ERC2: variants seen among roughly 807,000 people sequenced by gnomAD.
The protein encoded by ERC2 is ERC protein 2.
Under a neutral mutation model 114.8 loss-of-function variants are expected in ERC2, and 42 were observed. That is an observed-to-expected ratio of 0.37 (90% confidence interval 0.29 to 0.47). The LOEUF (loss-of-function observed/expected upper bound fraction) is 0.47. Ranked by LOEUF, ERC2 falls within the 20% of genes least tolerant of loss-of-function variation. The pLI, the probability that ERC2 is intolerant of heterozygous loss-of-function variation, is 0.99. For synonymous variants in ERC2, 454 were observed against 425.5 expected (o/e 1.07, Z -0.82); for missense variants, 939 against 1,150.7 (o/e 0.82, Z 2.66).
chr3:55,766,049 G>A (rs2067760308), intron 14 of ERC2, among the ~76,000 whole-genome samples: 1 of 152,176 alleles, frequency 6.6e-6, no homozygotes, highest in Non-Finnish European at 1.5e-5. Context: ...GGGTATGCCT[G>A]GGCCAAGTCC....
chr3:56,007,176 C>T lies in ERC2; in HGVS notation c.2061+5G>A. 6.4e-7 allele frequency: 1 copy of T among 1,555,134 alleles called. No individual in the cohort carries two copies. Among genetic ancestry groups the T allele is most frequent in the Non-Finnish European group, 8.7e-7 (1 of 1,149,756 alleles). ...GCATGATTCTTTTTCTTAGACTTCA[C>T]TTACCTTTTTTAACTGTGCTTCCAA... On this transcript the variant is annotated splice_donor_5th_base_variant and intron_variant, in intron 10 of 17. Transcript: ENST00000288221.
At chr3:56,194,729 A>T (rs2047993573) in intron 3 of ERC2, among the ~76,000 whole-genome samples, 1 of 152,218 alleles carries the variant, frequency 6.6e-6, no homozygotes, top group Non-Finnish European at 1.5e-5. Flanking sequence ...GGAATTTTTC[A>T]GCTCCATTAT....
chr3:56,037,732 AC>A (rs1182555057), intron 7 of ERC2, among the ~76,000 whole-genome samples: 1 of 152,164 alleles, frequency 6.6e-6, no homozygotes, highest in Non-Finnish European at 1.5e-5. Flanking sequence ...GAGAAGATCA[AC>A]CCCAAGACAC....
chr3:55,850,845 A>AACAAACACACAC (rs2061537496), intron 14 of ERC2, among the ~76,000 whole-genome samples: 1 of 125,870 alleles, frequency 7.9e-6, no homozygotes, highest in African/African-American at 3.0e-5. Flanking sequence ...CTCTTTTTCA[A>AACAAACACACAC]ACACACACAC....
rs115623887 is a variant in ERC2 at position 56,178,131 on chromosome 3, G to T, written c.1075-4611C>A. On this transcript the variant is annotated intron_variant, in intron 3 of 17. Transcript: ENST00000288221. ...GTTCATCAGAATGATACTTCTTGGC[G>T]TTAATGAGAGTCTAGAGTCAGTGGG... 2.8e-3 allele frequency among the ~76,000 whole-genome samples: 428 copies of T among 152,272 alleles called. 3 individuals are homozygous for T. The highest frequency in any genetic ancestry group is 0.023 in the South Asian group (112 of 4,812).
At chr3:55,576,633 C>T (rs1201985920) in intron 17 of ERC2, among the ~76,000 whole-genome samples, 1 of 152,234 alleles carries the variant, frequency 6.6e-6, no homozygotes, top group African/African-American at 2.4e-5. Flanking sequence ...CCTCTGAACT[C>T]CGAGCCAAGC....
chr3:56,030,750 A>G (rs569909163), intron 7 of ERC2, among the ~76,000 whole-genome samples: 47 of 152,344 alleles, frequency 3.1e-4, no homozygotes, highest in Admixed American at 1.7e-3. Context: ...CTATGCATGA[A>G]TAATCTTCAT....
At chr3:56,091,678 G>T (rs1389416920) in intron 6 of ERC2, among the ~76,000 whole-genome samples, 1 of 152,164 alleles carries the variant, frequency 6.6e-6, no homozygotes, top group Admixed American at 6.5e-5. Flanking sequence ...AGAGGACATC[G>T]ACATTGTTGA....
At chr3:55,931,228 T>C (rs533247923) in intron 13 of ERC2, among the ~76,000 whole-genome samples, 1 of 152,268 alleles carries the variant, frequency 6.6e-6, no homozygotes, top group South Asian at 2.1e-4. Context: ...GAAATAACAT[T>C]TGACCCAGCA....
At chr3:56,227,729 G>C (rs570234364) in intron 3 of ERC2, among the ~76,000 whole-genome samples, 1 of 152,278 alleles carries the variant, frequency 6.6e-6, no homozygotes, top group South Asian at 2.1e-4. Flanking sequence ...AAACCACTGG[G>C]AAAACGATTT....
At chr3:55,616,354 G>T (rs1446991989) in intron 17 of ERC2, among the ~76,000 whole-genome samples, 1 of 152,158 alleles carries the variant, frequency 6.6e-6, no homozygotes, top group Non-Finnish European at 1.5e-5. Context: ...GAAATGGAAA[G>T]TCCTTAAATT....
intron 16 of ERC2, among the ~76,000 whole-genome samples, chr3:55,689,538 C>T (rs2062522459): frequency 6.6e-6 from 1 of 152,166 alleles, no homozygotes; most frequent in Admixed American, 6.5e-5. Context: ...TTCGCTCCTT[C>T]ATCGATCAGT....
At chr3:55,656,899 T>C (rs2148696563) in intron 17 of ERC2, among the ~76,000 whole-genome samples, 1 of 152,278 alleles carries the variant, frequency 6.6e-6, no homozygotes, top group African/African-American at 2.4e-5. Flanking sequence ...AAGAGAAGAA[T>C]GGCATCCTCA....
intron 16 of ERC2, among the ~76,000 whole-genome samples, chr3:55,693,792 T>A (rs995649476): frequency 2.0e-5 from 3 of 151,780 alleles, no homozygotes; most frequent in Non-Finnish European, 4.4e-5. Flanking sequence ...CACTGCCACC[T>A]CCACCTCCCA....
At chr3:55,977,373 T>A (rs1224071109) in intron 12 of ERC2, among the ~76,000 whole-genome samples, 1 of 68,208 alleles carries the variant, frequency 1.5e-5, no homozygotes, top group African/African-American at 6.7e-5. Context: ...GTGACAAATG[T>A]CAGATCAAAG....
chr3:56,061,025 A>T (rs979716743), intron 7 of ERC2, among the ~76,000 whole-genome samples: 1 of 152,164 alleles, frequency 6.6e-6, no homozygotes, highest in South Asian at 2.1e-4. Flanking sequence ...TGCCTGCTCA[A>T]TTCTTCCCAG....
At chr3:55,706,401 G>T (rs186786222) in intron 15 of ERC2, among the ~76,000 whole-genome samples, 544 of 151,486 alleles carry the variant, frequency 3.6e-3, no homozygotes, top group African/African-American at 0.01. Context: ...TGTTTTTGTT[G>T]TTGTTTGTTT....
intron 2 of ERC2, among the ~76,000 whole-genome samples, chr3:56,357,918 C>T (rs756976410): frequency 9.2e-5 from 14 of 151,604 alleles, no homozygotes; most frequent in Non-Finnish European, 1.9e-4. Flanking sequence ...AGGCACCAAC[C>T]TGCCACATCA....
chr3:56,467,344 T>C (rs1242876870), intron 1 of ERC2, among the ~76,000 whole-genome samples: 1 of 152,148 alleles, frequency 6.6e-6, no homozygotes, highest in African/African-American at 2.4e-5. Flanking sequence ...GTAAATTGCC[T>C]TTCATACAGC....
Sources: allele counts gnomAD v4.1 joint callset (sites outside exome capture counted in the v4.1 genomes callset), GRCh38; gene constraint gnomAD v4.1.1; transcripts MANE v1.5; gene names NCBI Gene and HGNC (gene_info 2026-07-23, HGNC 2026-07-21).